CLVS1: variants seen among roughly 807,000 people sequenced by gnomAD.
CLVS1 encodes the protein clavesin-1.
A neutral mutation model predicts 33.1 loss-of-function variants in CLVS1; 10 were observed. That is an observed-to-expected ratio of 0.30 (90% CI 0.19 to 0.51). The LOEUF is 0.51. Among genes scored for constraint, CLVS1 ranks in the 20% least tolerant of loss-of-function variants. CLVS1 has a pLI of 0.97. For synonymous variants in CLVS1, 163 were observed against 166.1 expected (o/e 0.98, Z 0.14); for missense variants, 343 against 433.4 (o/e 0.79, Z 1.85).
At chr8:61,001,387 A>T in the CLVS1 span, among the ~76,000 whole-genome samples, 5 of 152,348 alleles carry the variant, frequency 3.3e-5, no homozygotes, top group African/African-American at 1.2e-4. Context: ...TCCTTTCTTC[A>T]TACTGAGCTT....
At chr8:61,118,529 A>G (rs1189190994) in intron 1 of CLVS1, among the ~76,000 whole-genome samples, 1 of 150,552 alleles carries the variant, frequency 6.6e-6, no homozygotes, top group South Asian at 2.1e-4. Flanking sequence ...ATTTCCCTCT[A>G]CACACTGCTT....
At chr8:61,305,601 T>C (rs1810594652) in intron 2 of CLVS1, among the ~76,000 whole-genome samples, 1 of 152,226 alleles carries the variant, frequency 6.6e-6, no homozygotes, top group South Asian at 2.1e-4. Flanking sequence ...TGCAGGTTTG[T>C]TACGTAGGTA....
intron 4 of CLVS1, among the ~76,000 whole-genome samples, chr8:61,457,776 A>G (rs760524985): frequency 2.6e-5 from 4 of 152,162 alleles, no homozygotes; most frequent in African/African-American, 4.8e-5. Context: ...CAAACAAACA[A>G]ACAAAAACAG....
chr8:61,254,348 G>C (rs1585725182), intron 2 of CLVS1, among the ~76,000 whole-genome samples: 1 of 152,316 alleles, frequency 6.6e-6, no homozygotes, highest in African/African-American at 2.4e-5. Context: ...GTGCCTCCCA[G>C]TTAGGCTACT....
At chr8:61,204,311 G>T (rs1267439550) in intron 2 of CLVS1, among the ~76,000 whole-genome samples, 1 of 152,206 alleles carries the variant, frequency 6.6e-6, no homozygotes, top group Non-Finnish European at 1.5e-5. Flanking sequence ...CTTGGGCAAA[G>T]ATTGATTTTA....
In CLVS1 at chr8:61,204,500, C is replaced by T. The variant is rs547591713; in HGVS notation, c.-152+72640C>T. 4.6e-5 allele frequency among the ~76,000 whole-genome samples: 7 copies of T among 152,176 alleles called. No individual in the cohort carries two copies. In the East Asian group the frequency reaches 5.8e-4, roughly 13 times the overall value. ...TTAAAAATGTACTTAATGCTAAGGA[C>T]GTTTTAGCATGCCTATAGAACTTGA... On this transcript the variant is annotated intron_variant, in intron 2 of 2. Coordinates refer to the CLVS1 transcript ENST00000522621.
intron 1 of CLVS1, among the ~76,000 whole-genome samples, chr8:61,079,562 C>T (rs143884718): frequency 4.3e-4 from 65 of 152,300 alleles, no homozygotes; most frequent in Non-Finnish European, 5.4e-4. Flanking sequence ...AACCATGTTG[C>T]TGCCTGGTCC....
intron 2 of CLVS1, among the ~76,000 whole-genome samples, chr8:61,321,335 A>G (rs1811187400): frequency 1.3e-5 from 2 of 151,458 alleles, no homozygotes; most frequent in South Asian, 4.2e-4. Context: ...CAGCACTTTC[A>G]CTTGCTGAGG....
At chr8:61,093,685 C>T (rs541975328) in intron 1 of CLVS1, among the ~76,000 whole-genome samples, 2 of 152,330 alleles carry the variant, frequency 1.3e-5, no homozygotes, top group Admixed American at 6.5e-5. Context: ...AGCTGATCTT[C>T]GTTGACTTTT....
At chr8:61,152,007 C>G (rs192711065) in intron 2 of CLVS1, among the ~76,000 whole-genome samples, 1 of 152,150 alleles carries the variant, frequency 6.6e-6, no homozygotes, top group East Asian at 1.9e-4. Context: ...TTTTGCCCCC[C>G]GCCCCCAGCT....
At chr8:61,235,817 T>C (rs1808544770) in intron 2 of CLVS1, among the ~76,000 whole-genome samples, 1 of 152,230 alleles carries the variant, frequency 6.6e-6, no homozygotes, top group South Asian at 2.1e-4. Context: ...CACTTCTTGT[T>C]GCTAGAGATA....
intron 1 of CLVS1, among the ~76,000 whole-genome samples, chr8:61,119,305 A>C (rs1310645729): frequency 6.6e-6 from 1 of 151,900 alleles, no homozygotes; most frequent in Non-Finnish European, 1.5e-5. Flanking sequence ...CAGCACACTG[A>C]TGGGTCTTGA....
chr8:61,093,862 G>A (rs1805299185), intron 1 of CLVS1, among the ~76,000 whole-genome samples: 1 of 152,226 alleles, frequency 6.6e-6, no homozygotes, highest in South Asian at 2.1e-4. Context: ...TGGTGACTGG[G>A]TTAATGGCTG....
At chr8:61,168,586 A>T (rs1175920827) in intron 2 of CLVS1, among the ~76,000 whole-genome samples, 1 of 152,238 alleles carries the variant, frequency 6.6e-6, no homozygotes, top group African/African-American at 2.4e-5. Flanking sequence ...AATCTGGACT[A>T]AATATTAAAT....
At chr8:61,481,886 G>A (rs760235174) in intron 5 of CLVS1, among the ~76,000 whole-genome samples, 22 of 152,212 alleles carry the variant, frequency 1.4e-4, no homozygotes, top group Non-Finnish European at 2.6e-4. Context: ...TCTGAGAGTG[G>A]ACAGTCTGCC....
At chr8:61,125,496 C>T (rs1199739549) in intron 1 of CLVS1, among the ~76,000 whole-genome samples, 1 of 152,184 alleles carries the variant, frequency 6.6e-6, no homozygotes, top group Non-Finnish European at 1.5e-5. Context: ...TTTCTTTTCT[C>T]ACTTAGCTCA....
chr8:61,478,057 C>G (rs1318871813), intron 5 of CLVS1, among the ~76,000 whole-genome samples: 1 of 152,188 alleles, frequency 6.6e-6, no homozygotes, highest in African/African-American at 2.4e-5. Context: ...TTTACTTCTG[C>G]CTTCATTTCG....
chr8:61,342,039 C>A (rs1812044949), intron 2 of CLVS1, among the ~76,000 whole-genome samples: 1 of 152,092 alleles, frequency 6.6e-6, no homozygotes, highest in Non-Finnish European at 1.5e-5. Context: ...ATCACAAATT[C>A]CTGAAGGGTG....
At chr8:61,432,440 C>G (rs1179982556) in intron 3 of CLVS1, among the ~76,000 whole-genome samples, 1 of 152,110 alleles carries the variant, frequency 6.6e-6, no homozygotes, top group African/African-American at 2.4e-5. Context: ...GACCCTAATT[C>G]AACATGATTG....
Sources: allele counts gnomAD v4.1 joint callset (sites outside exome capture counted in the v4.1 genomes callset), GRCh38; gene constraint gnomAD v4.1.1; transcripts MANE v1.5; gene names NCBI Gene and HGNC (gene_info 2026-07-23, HGNC 2026-07-21).